The following CDH8 variants were observed in gnomAD, a reference collection of about 807,000 sequenced individuals.
The protein encoded by CDH8 is cadherin-8.
CDH8 carries 17 observed loss-of-function variants against 68.1 expected under a neutral mutation model. The ratio of observed to expected loss-of-function variants is 0.25; its 90% CI spans 0.17 to 0.37. The LOEUF (loss-of-function observed/expected upper bound fraction) is 0.37, where lower values mean the gene tolerates loss of function less well. Among genes scored for constraint, CDH8 ranks in the 10% least tolerant of loss-of-function variants. The pLI is 1.00. For synonymous variants in CDH8, 372 were observed against 365.1 expected (o/e 1.02, Z -0.21); for missense variants, 763 against 999.3 (o/e 0.76, Z 3.19).
At chr16:61,816,885 G>T (rs1962087790) in intron 7 of CDH8, among the ~76,000 whole-genome samples, 1 of 152,042 alleles carries the variant, frequency 6.6e-6, no homozygotes, top group Non-Finnish European at 1.5e-5. Context: ...GGGTATTTTT[G>T]AAATGGCAGA....
chr16:61,915,411 A>G (rs1476607307), intron 2 of CDH8, among the ~76,000 whole-genome samples: 1 of 152,222 alleles, frequency 6.6e-6, no homozygotes, highest in African/African-American at 2.4e-5. Flanking sequence ...CCAGAAACTG[A>G]AGATTTGAGA....
intron 8 of CDH8, among the ~76,000 whole-genome samples, chr16:61,751,857 A>G (rs980169758): frequency 2.2e-4 from 34 of 152,100 alleles, no homozygotes; most frequent in Admixed American, 1.3e-3. Context: ...TAATTATCCA[A>G]TGATATTAGG....
chr16:61,730,020 T>C (rs1959490188), intron 8 of CDH8, among the ~76,000 whole-genome samples: 1 of 149,812 alleles, frequency 6.7e-6, no homozygotes, highest in South Asian at 2.1e-4. Context: ...CACTCATATC[T>C]ACACACTGCA....
chr16:62,011,216 A>C (rs1056295648), intron 2 of CDH8, among the ~76,000 whole-genome samples: 19 of 152,182 alleles, frequency 1.2e-4, no homozygotes, highest in African/African-American at 4.6e-4. Flanking sequence ...GATACTCTGT[A>C]GATTTCAGAA....
At chr16:61,950,696 T>C (rs1259151526) in intron 2 of CDH8, among the ~76,000 whole-genome samples, 2 of 152,184 alleles carry the variant, frequency 1.3e-5, no homozygotes, top group Non-Finnish European at 2.9e-5. Flanking sequence ...TAAAACCGCA[T>C]ATTCACTATA....
In CDH8 at chr16:61,649,041, C is replaced by G. The variant is rs1396014236; in HGVS notation, c.*4567G>C. 6.6e-6 allele frequency: 1 copy of G among 151,918 alleles called. No individual in the cohort carries two copies. Among genetic ancestry groups the G allele is most frequent in the Non-Finnish European group, 1.5e-5 (1 of 67,918 alleles). 9.4% of individuals were successfully genotyped at this position (151,918 alleles called of 1,614,324 possible). A position where few individuals can be genotyped will look rare whatever the true frequency, so the allele number is the denominator to read the frequency against. ...CATTCAACACTGTTTGGCTGAGTAACAGTGCAAAGACACTTTTTATAGCAA... is the reference window on the plus strand; with the variant it reads ...CATTCAACACTGTTTGGCTGAGTAAGAGTGCAAAGACACTTTTTATAGCAA... On this transcript the variant is annotated 3_prime_UTR_variant, in exon 12 of 12. Coordinates refer to ENST00000577390, the MANE Select transcript of CDH8 (RefSeq NM_001796.5).
intron 8 of CDH8, among the ~76,000 whole-genome samples, chr16:61,779,015 G>C (rs1038015786): frequency 5.9e-5 from 9 of 152,188 alleles, no homozygotes; most frequent in African/African-American, 2.2e-4. Context: ...GCAGCCCGCT[G>C]TAGTGGGCCA....
chr16:61,716,041 T>A (rs1048516615), intron 9 of CDH8, among the ~76,000 whole-genome samples: 2 of 151,680 alleles, frequency 1.3e-5, no homozygotes, highest in Non-Finnish European at 3.0e-5. Context: ...ATAGGACTTC[T>A]AGCCCCAGGT....
chr16:62,004,350 G>A (rs1358017585), intron 2 of CDH8, among the ~76,000 whole-genome samples: 1 of 152,048 alleles, frequency 6.6e-6, no homozygotes, highest in African/African-American at 2.4e-5. Flanking sequence ...TTGAAGCCTC[G>A]CTTTGTCTAA....
At position 61,690,987 on chromosome 16, in the gene CDH8, C is replaced by G. The variant is rs76922892; in HGVS notation, c.1654+22854G>C. Among the ~76,000 whole-genome samples, 16 of 152,154 alleles carry G rather than the reference C, an allele frequency of 1.1e-4. No homozygotes were observed. In the East Asian group the frequency reaches 2.9e-3, roughly 28 times the overall value. ...TTTTAGATATTGATGCCAGGCTGCT[C>G]CTCACTTTATAGTCTACTAGTACCA... On this transcript the variant is annotated intron_variant, in intron 10 of 11. Transcript: ENST00000577390.
At chr16:61,933,215 A>G (rs1352156268) in intron 2 of CDH8, among the ~76,000 whole-genome samples, 1 of 152,210 alleles carries the variant, frequency 6.6e-6, no homozygotes, top group Admixed American at 6.5e-5. Context: ...TTGTTCATCA[A>G]ACGAAGAGAA....
chr16:61,781,133 A>G (rs1898224), intron 8 of CDH8, among the ~76,000 whole-genome samples: 10,665 of 152,256 alleles, frequency 0.07, 498 homozygotes, highest in Admixed American at 0.11. Flanking sequence ...AATGCCCTGG[A>G]GCATCTATTT....
At chr16:61,722,931 T>A (rs1959238539) in intron 9 of CDH8, among the ~76,000 whole-genome samples, 1 of 150,762 alleles carries the variant, frequency 6.6e-6, no homozygotes, top group African/African-American at 2.4e-5. Context: ...CAGCAACTTG[T>A]ATGATAGTGA....
chr16:61,728,494 CT>C (rs1959440086), intron 8 of CDH8, among the ~76,000 whole-genome samples: 1 of 150,976 alleles, frequency 6.6e-6, no homozygotes, highest in African/African-American at 2.4e-5. Flanking sequence ...CCTGAAATGT[CT>C]CACCTCATAT....
intron 10 of CDH8, among the ~76,000 whole-genome samples, chr16:61,685,445 A>T (rs986574041): frequency 3.9e-5 from 6 of 151,946 alleles, no homozygotes; most frequent in Admixed American, 1.3e-4. Context: ...GAGTGCTGAG[A>T]GAGGAAACAG....
intron 10 of CDH8, among the ~76,000 whole-genome samples, chr16:61,684,654 A>AT (rs1396108419): frequency 6.6e-6 from 1 of 151,848 alleles, no homozygotes; most frequent in Non-Finnish European, 1.5e-5. Context: ...ATTCAGAATC[A>AT]TTTTTTGGCC....
At chr16:61,933,457 T>C (rs1172734483) in intron 2 of CDH8, among the ~76,000 whole-genome samples, 1 of 152,234 alleles carries the variant, frequency 6.6e-6, no homozygotes, top group Non-Finnish European at 1.5e-5. Context: ...CATGTATTTT[T>C]GAAAATCATT....
chr16:61,776,195 C>T (rs552282436), intron 8 of CDH8, among the ~76,000 whole-genome samples: 1 of 152,172 alleles, frequency 6.6e-6, no homozygotes. Context: ...GCTCTGTTTA[C>T]GCAATTTACC....
intron 2 of CDH8, among the ~76,000 whole-genome samples, chr16:61,988,455 T>C (rs1251366249): frequency 6.6e-6 from 1 of 152,162 alleles, no homozygotes; most frequent in African/African-American, 2.4e-5. Context: ...AAGCCCTGCA[T>C]TTTCATTGTA....
Sources: gnomAD v4.1 joint callset for allele counts (sites outside exome capture counted in the v4.1 genomes callset) on GRCh38, gnomAD v4.1.1 for gene constraint, MANE v1.5 for transcripts, NCBI Gene and HGNC (gene_info 2026-07-23, HGNC 2026-07-21) for gene names.